Variants in TSPAN18 observed in about 807,000 individuals in gnomAD.
TSPAN18 encodes the protein tetraspanin 18, also known as tetraspanin-18.
TSPAN18 carries 14 observed loss-of-function variants against 27.3 expected under a neutral mutation model. The ratio of observed to expected loss-of-function variants is 0.51; its 90% CI spans 0.34 to 0.80. TSPAN18 has a LOEUF of 0.80. Ranked by LOEUF, TSPAN18 falls within the 30% of genes least tolerant of loss-of-function variation. TSPAN18 has a pLI of 0.01. For synonymous variants in TSPAN18, 143 were observed against 136.5 expected, an observed-to-expected ratio of 1.05 and a Z score of -0.33; for missense variants, 268 against 323.9, an observed-to-expected ratio of 0.83 and a Z score of 1.32.
At chr11:44,767,473 ACTC>A (rs1172123828) in intron 2 of TSPAN18, among the ~76,000 whole-genome samples, 1 of 152,012 alleles carries the variant, frequency 6.6e-6, no homozygotes, top group Non-Finnish European at 1.5e-5. Flanking sequence ...CCATGGTGGC[ACTC>A]TTCTCCAATT....
chr11:44,766,213 A>G (rs1855564282), intron 2 of TSPAN18, among the ~76,000 whole-genome samples: 1 of 152,180 alleles, frequency 6.6e-6, no homozygotes, highest in Non-Finnish European at 1.5e-5. Context: ...GCTGGAATCC[A>G]AGACAGGGTG....
chr11:44,878,392 G>T (rs1161946799), intron 3 of TSPAN18, among the ~76,000 whole-genome samples: 1 of 152,176 alleles, frequency 6.6e-6, no homozygotes, highest in Non-Finnish European at 1.5e-5. Context: ...CCTGAGGAAG[G>T]CTCCCTGCTC....
In TSPAN18 at chr11:44,908,815, G is replaced by GAAAGAAAGAAAGAAAGAAAGAAAGA. The variant is rs1554938139; in HGVS notation, c.64-875_64-874insGAAAGAAAGAAAAGAAAGAAAGAAA. Among the ~76,000 whole-genome samples, 334 of 115,230 alleles carry GAAAGAAAGAAAGAAAGAAAGAAAGA rather than the reference G, an allele frequency of 2.9e-3. 25 individuals carry two copies. Among genetic ancestry groups the GAAAGAAAGAAAGAAAGAAAGAAAGA allele is most frequent in the South Asian group, 0.015 (55 of 3,552 alleles). 75.6% of individuals were successfully genotyped at this position (115,230 alleles called of 152,430 possible). A position where few individuals can be genotyped will look rare whatever the true frequency, so the allele number is the denominator to read the frequency against. On this transcript the variant is annotated intron_variant, in intron 4 of 9. Coordinates refer to ENST00000520358, the MANE Select transcript of TSPAN18 (RefSeq NM_130783.5). ...AGAAAGAAAGAAAGAAAGAAAGAAAGAAAGAAAGAAAGAAAAAGAAAAATG... is the reference window on the plus strand; with the variant it reads ...AGAAAGAAAGAAAGAAAGAAAGAAAGAAAGAAAGAAAGAAAGAAAGAAAGAAAAGAAAGAAAGAAAAAGAAAAATG...
intron 3 of TSPAN18, among the ~76,000 whole-genome samples, chr11:44,881,740 G>C (rs1858494674): frequency 6.6e-6 from 1 of 152,112 alleles, no homozygotes; most frequent in Non-Finnish European, 1.5e-5. Context: ...GGTAGGAGGT[G>C]GTTGGTGAAT....
chr11:44,921,829 G>A (rs567751703), intron 8 of TSPAN18, among the ~76,000 whole-genome samples: 3 of 152,280 alleles, frequency 2.0e-5, no homozygotes, highest in South Asian at 4.1e-4. Context: ...CGCATTCCCC[G>A]CATCAGATGT....
At chr11:44,741,205 C>T (rs74472562) in intron 1 of TSPAN18, among the ~76,000 whole-genome samples, 17,966 of 152,212 alleles carry the variant, frequency 0.12, 1,963 homozygotes, top group African/African-American at 0.3. Context: ...CAATCCGTGG[C>T]ATTCTTTTCA....
chr11:44,902,138 T>TA (rs1399917160), intron 3 of TSPAN18, among the ~76,000 whole-genome samples: 1 of 152,234 alleles, frequency 6.6e-6, no homozygotes, highest in African/African-American at 2.4e-5. Context: ...ACAGCAGGCC[T>TA]ATGAGTAACC....
At chr11:44,825,491 G>T (rs372307832) in intron 2 of TSPAN18, among the ~76,000 whole-genome samples, 1 of 152,136 alleles carries the variant, frequency 6.6e-6, no homozygotes, top group Admixed American at 6.5e-5. Context: ...TGCAGTGTGC[G>T]CCCCGATTCA....
At chr11:44,905,832 G>A (rs1859433591) in intron 3 of TSPAN18, among the ~76,000 whole-genome samples, 1 of 152,186 alleles carries the variant, frequency 6.6e-6, no homozygotes, top group Non-Finnish European at 1.5e-5. Flanking sequence ...CCCAGAAGCA[G>A]GTTTTAGATC....
chr11:44,854,204 G>GA (rs1554992224), intron 2 of TSPAN18, among the ~76,000 whole-genome samples: 1 of 137,396 alleles, frequency 7.3e-6, no homozygotes, highest in Non-Finnish European at 1.6e-5. Flanking sequence ...AGGGGGTGGG[G>GA]GGGGGGGTTT....
chr11:44,827,400 A>G (rs980622487), intron 2 of TSPAN18, among the ~76,000 whole-genome samples: 3 of 152,214 alleles, frequency 2.0e-5, no homozygotes, highest in African/African-American at 7.2e-5. Context: ...ATGTCTGTGC[A>G]GACAGGTGTG....
At chr11:44,806,978 A>C (rs1171286109) in intron 2 of TSPAN18, among the ~76,000 whole-genome samples, 1 of 152,062 alleles carries the variant, frequency 6.6e-6, no homozygotes, top group African/African-American at 2.4e-5. Context: ...AGCACATAAA[A>C]CCCATGGTTT....
intron 5 of TSPAN18, among the ~76,000 whole-genome samples, chr11:44,912,028 CT>C (rs914838322): frequency 1.1e-4 from 16 of 142,434 alleles, no homozygotes; most frequent in Non-Finnish European, 1.1e-4. Context: ...CATCTCTGTC[CT>C]TTTTTTTTTC....
At chr11:44,862,480 C>G (rs1857923452) in intron 3 of TSPAN18, among the ~76,000 whole-genome samples, 1 of 152,210 alleles carries the variant, frequency 6.6e-6, no homozygotes, top group South Asian at 2.1e-4. Flanking sequence ...GCGCTCAGCA[C>G]CACCCTGCCT....
intron 2 of TSPAN18, among the ~76,000 whole-genome samples, chr11:44,817,391 G>T (rs1311763193): frequency 6.6e-6 from 1 of 152,250 alleles, no homozygotes; most frequent in Non-Finnish European, 1.5e-5. Context: ...GGCTGGCCTG[G>T]CCCTAGGCTT....
chr11:44,895,725 C>T (rs948282979), intron 3 of TSPAN18, among the ~76,000 whole-genome samples: 33 of 152,198 alleles, frequency 2.2e-4, no homozygotes, highest in Non-Finnish European at 1.8e-4. Flanking sequence ...AGCATCTCCT[C>T]CTTGTCTCTG....
intron 1 of TSPAN18, among the ~76,000 whole-genome samples, chr11:44,743,920 G>A (rs1041590021): frequency 1.4e-4 from 21 of 152,202 alleles, no homozygotes; most frequent in African/African-American, 5.1e-4. Flanking sequence ...CCTCAGAAAG[G>A]CAGATTTGCA....
At chr11:44,820,207 G>A (rs141223410) in intron 2 of TSPAN18, among the ~76,000 whole-genome samples, 56 of 152,306 alleles carry the variant, frequency 3.7e-4, no homozygotes, top group African/African-American at 1.3e-3. Context: ...TGGTGCCTGC[G>A]CCACACATTC....
At chr11:44,836,546 A>G (rs1488779454) in intron 2 of TSPAN18, among the ~76,000 whole-genome samples, 1 of 152,236 alleles carries the variant, frequency 6.6e-6, no homozygotes, top group Non-Finnish European at 1.5e-5. Flanking sequence ...AGATCTAGCT[A>G]AGATCATGGA....
Sources: allele counts gnomAD v4.1 joint callset (sites outside exome capture counted in the v4.1 genomes callset), GRCh38; gene constraint gnomAD v4.1.1; transcripts MANE v1.5; gene names NCBI Gene and HGNC (gene_info 2026-07-23, HGNC 2026-07-21).